OSBP2: variants seen among roughly 807,000 people sequenced by gnomAD.
The protein encoded by OSBP2 is oxysterol binding protein 2.
In OSBP2, 66 loss-of-function variants were observed where a neutral mutation model predicts 96.0. The ratio of observed to expected loss-of-function variants is 0.69; its 90% CI spans 0.56 to 0.84. The LOEUF (loss-of-function observed/expected upper bound fraction) is 0.84, where lower values mean the gene tolerates loss of function less well. Ranked by LOEUF, OSBP2 falls within the 40% of genes least tolerant of loss-of-function variation. OSBP2 has a pLI of 0.00. For missense variants in OSBP2, 1,038 were observed against 1,222.7 expected (o/e 0.85, Z 2.25); for synonymous variants, 525 against 520.9 (o/e 1.01, Z -0.11).
intron 2 of OSBP2, among the ~76,000 whole-genome samples, chr22:30,828,232 G>A (rs1245951403): frequency 6.6e-6 from 1 of 152,234 alleles, no homozygotes; most frequent in Non-Finnish European, 1.5e-5. Context: ...AATGGTAAAA[G>A]AAGACAGAAT....
At chr22:30,866,034 AATG>A in intron 2 of OSBP2, among the ~76,000 whole-genome samples, 1 of 152,330 alleles carries the variant, frequency 6.6e-6, no homozygotes, top group East Asian at 1.9e-4. Context: ...ATCAGACCGT[AATG>A]ATCAGTGCGA....
intron 2 of OSBP2, among the ~76,000 whole-genome samples, chr22:30,742,093 T>TG (rs1235557906): frequency 6.6e-6 from 1 of 151,754 alleles, no homozygotes; most frequent in African/African-American, 2.4e-5. Flanking sequence ...GTACTGGGAT[T>TG]ACAGGCATGA....
intron 1 of OSBP2, among the ~76,000 whole-genome samples, chr22:30,738,077 CTTT>C (rs572534320): frequency 2.1e-5 from 3 of 144,236 alleles, no homozygotes. Context: ...TTTTCTTTTC[CTTT>C]TTTTTTTTTT....
At chr22:30,902,403 T>C in intron 12 of OSBP2, 1 of 1,567,228 alleles carries the variant, frequency 6.4e-7, no homozygotes, top group African/African-American at 1.3e-5. Flanking sequence ...TGACATACGA[T>C]GGTGCACTGT....
At chr22:30,863,462 G>C (rs992305614) in intron 2 of OSBP2, among the ~76,000 whole-genome samples, 1 of 152,182 alleles carries the variant, frequency 6.6e-6, no homozygotes, top group Non-Finnish European at 1.5e-5. Context: ...GGGGTGGAAT[G>C]TCTTTTTGCA....
chr22:30,901,171 C>T (rs151192056), intron 12 of OSBP2, among the ~76,000 whole-genome samples: 4,748 of 152,260 alleles, frequency 0.031, 96 homozygotes, highest in Middle Eastern at 0.061. Context: ...CGGGTTCAAG[C>T]GATTCTCCTG....
At chr22:30,824,887 C>G (rs1270014124) in intron 2 of OSBP2, among the ~76,000 whole-genome samples, 1 of 152,160 alleles carries the variant, frequency 6.6e-6, no homozygotes, top group Non-Finnish European at 1.5e-5. Context: ...TCACATGGGC[C>G]TCTATTCTGG....
At chr22:30,837,238 G>A (rs2038653286) in intron 2 of OSBP2, among the ~76,000 whole-genome samples, 1 of 150,884 alleles carries the variant, frequency 6.6e-6, no homozygotes, top group Non-Finnish European at 1.5e-5. Flanking sequence ...CTCCAACCTG[G>A]GCAACAGAGT....
intron 2 of OSBP2, among the ~76,000 whole-genome samples, chr22:30,847,809 G>C (rs997290202): frequency 6.6e-6 from 1 of 152,104 alleles, no homozygotes; most frequent in African/African-American, 2.4e-5. Context: ...TTGTCTGTGA[G>C]ATCTGTAGTG....
chr22:30,822,516 G>T, intron 2 of OSBP2: 1 of 1,371,196 alleles, frequency 7.3e-7, no homozygotes, highest in Non-Finnish European at 9.4e-7. Context: ...CGGGACCCAC[G>T]AGTGTCCGCC....
intron 2 of OSBP2, among the ~76,000 whole-genome samples, chr22:30,809,471 C>CCA (rs1260060568): frequency 6.6e-6 from 1 of 152,140 alleles, no homozygotes; most frequent in Admixed American, 6.5e-5. Context: ...GGCTCATACC[C>CCA]CATGTTCAGA....
At chr22:30,821,598 G>A (rs1301999187) in intron 2 of OSBP2, among the ~76,000 whole-genome samples, 7 of 152,084 alleles carry the variant, frequency 4.6e-5, no homozygotes, top group Non-Finnish European at 1.0e-4. Context: ...GCGGGGATAG[G>A]GAAGCTCAGA....
intron 3 of OSBP2, among the ~76,000 whole-genome samples, chr22:30,876,630 A>G (rs2039586155): frequency 6.6e-6 from 1 of 152,122 alleles, no homozygotes; most frequent in Non-Finnish European, 1.5e-5. Context: ...AGTTCCCCCA[A>G]CACCCATGCC....
intron 1 of OSBP2, among the ~76,000 whole-genome samples, chr22:30,718,732 G>A (rs1160163689): frequency 6.6e-6 from 1 of 152,208 alleles, no homozygotes; most frequent in Admixed American, 6.5e-5. Context: ...CAACATCCGG[G>A]TGCTTGTCTC....
chr22:30,895,298 A>C (rs2040039084), intron 12 of OSBP2, among the ~76,000 whole-genome samples: 1 of 152,198 alleles, frequency 6.6e-6, no homozygotes, highest in Admixed American at 6.5e-5. Flanking sequence ...AGATAAAATG[A>C]AGATAAATTT....
chr22:30,840,342 T>C (rs1240841540), intron 2 of OSBP2, among the ~76,000 whole-genome samples: 1 of 150,050 alleles, frequency 6.7e-6, no homozygotes, highest in Non-Finnish European at 1.5e-5. Context: ...AAAAGAAAGC[T>C]GAAACTGGAT....
chr22:30,887,278 C>T (rs1255734315), intron 3 of OSBP2, 148 bp from the exon 4 acceptor site: 1 of 643,038 alleles, frequency 1.6e-6, no homozygotes, highest in East Asian at 2.6e-5. Flanking sequence ...CTTAGAATGC[C>T]TTAGCTGTCT....
At chr22:30,863,680 C>T (rs1006028794) in intron 2 of OSBP2, among the ~76,000 whole-genome samples, 2 of 152,258 alleles carry the variant, frequency 1.3e-5, no homozygotes, top group Non-Finnish European at 1.5e-5. Context: ...ACTTGAACTT[C>T]GCTCTGCAGA....
intron 2 of OSBP2, among the ~76,000 whole-genome samples, chr22:30,745,907 G>T (rs1484564273): frequency 6.6e-6 from 1 of 152,006 alleles, no homozygotes; most frequent in Non-Finnish European, 1.5e-5. Flanking sequence ...AGGATGAAAA[G>T]GATTATAATG....
Sources: gnomAD v4.1 joint callset for allele counts (sites outside exome capture counted in the v4.1 genomes callset) on GRCh38, gnomAD v4.1.1 for gene constraint, MANE v1.5 for transcripts, NCBI Gene and HGNC (gene_info 2026-07-23, HGNC 2026-07-21) for gene names.